The following GRK4 variants were observed in gnomAD, a reference collection of about 807,000 sequenced individuals.
GRK4 encodes G protein-coupled receptor kinase 2-like.
GRK4 carries 73 observed loss-of-function variants against 77.9 expected under a neutral mutation model. That is an observed-to-expected ratio of 0.94 (90% CI 0.78 to 1.14). GRK4 has a LOEUF of 1.14. Ranked by LOEUF, GRK4 falls within the 50% of genes most tolerant of loss-of-function variation. The pLI is 0.00. For missense variants in GRK4, 729 were observed against 700.2 expected (o/e 1.04, Z -0.46); for synonymous variants, 257 against 254.4 (o/e 1.01, Z -0.10).
rs1223148476 is a variant in GRK4 at position 3,037,236 on chromosome 4, G to A, written c.1408-138G>A. ...GATTTAGAAAATGCCTCAAGTGAGAGGGGCCTGGCAAAAGAATGGAGACAG... is the reference window on the plus strand; with the variant it reads ...GATTTAGAAAATGCCTCAAGTGAGAAGGGCCTGGCAAAAGAATGGAGACAG... On this transcript the variant is annotated intron_variant, in intron 13 of 15. Coordinates refer to ENST00000398052, the MANE Select transcript of GRK4 (RefSeq NM_182982.3). The A allele has an allele frequency of 8.3e-6, 7 of 840,242 alleles. No individual in the cohort carries two copies. The African/African-American group carries it at 1.2e-4, about 14-fold the overall frequency. 52.0% of individuals were successfully genotyped at this position (840,242 alleles called of 1,614,324 possible).
chr4:3,021,911 G>C (rs553723645), intron 9 of GRK4, among the ~76,000 whole-genome samples: 1 of 152,298 alleles, frequency 6.6e-6, no homozygotes, highest in Admixed American at 6.5e-5. Flanking sequence ...ATCCACCGCT[G>C]TGTCCACGGG....
intron 1 of GRK4, among the ~76,000 whole-genome samples, chr4:2,972,442 C>T (rs752907120): frequency 1.3e-5 from 2 of 152,150 alleles, no homozygotes; most frequent in Non-Finnish European, 2.9e-5. Flanking sequence ...TGTGCTGTGC[C>T]AGTGGAGACT....
intron 10 of GRK4, among the ~76,000 whole-genome samples, chr4:3,024,066 G>C (rs1180083250): frequency 6.6e-6 from 1 of 152,120 alleles, no homozygotes; most frequent in Non-Finnish European, 1.5e-5. Context: ...GAGCTGAGCT[G>C]TCTTTCCCCA....
chr4:2,990,411 C>T (rs894711482), intron 3 of GRK4, among the ~76,000 whole-genome samples: 1 of 152,036 alleles, frequency 6.6e-6, no homozygotes, highest in Non-Finnish European at 1.5e-5. Flanking sequence ...CATGTGCCAC[C>T]ACACCCAACT....
At chr4:3,032,372 G>A (rs1277608626) in intron 12 of GRK4, among the ~76,000 whole-genome samples, 1 of 151,824 alleles carries the variant, frequency 6.6e-6, no homozygotes, top group Non-Finnish European at 1.5e-5. Flanking sequence ...CAGGTACTCG[G>A]AAGGCTGTGC....
chr4:2,977,504 G>A (rs1055435842), intron 1 of GRK4, among the ~76,000 whole-genome samples: 5 of 152,200 alleles, frequency 3.3e-5, no homozygotes, highest in South Asian at 2.1e-4. Context: ...ACTTGCTGCT[G>A]TAACAGGTAA....
At chr4:3,026,189 G>A (rs1578343816) in intron 10 of GRK4, among the ~76,000 whole-genome samples, 1 of 152,126 alleles carries the variant, frequency 6.6e-6, no homozygotes, top group South Asian at 2.1e-4. Flanking sequence ...GCCAGATTCC[G>A]CTCCAGGGTG....
At chr4:2,987,678 C>T (rs368276711) in intron 2 of GRK4, among the ~76,000 whole-genome samples, 60 of 152,100 alleles carry the variant, frequency 3.9e-4, no homozygotes, top group African/African-American at 1.4e-3. Context: ...CAGTGGCTCA[C>T]GGCTGTAATC....
chr4:2,970,697 T>G (rs1719280182), intron 1 of GRK4, among the ~76,000 whole-genome samples: 2 of 151,078 alleles, frequency 1.3e-5, no homozygotes, highest in Non-Finnish European at 3.0e-5. Context: ...GGGGGGTCAG[T>G]CTCGCTCTGT....
At chr4:3,034,150 G>C (rs1739937599) in intron 12 of GRK4, among the ~76,000 whole-genome samples, 1 of 152,182 alleles carries the variant, frequency 6.6e-6, no homozygotes, top group Non-Finnish European at 1.5e-5. Context: ...GCCTAATCTA[G>C]TGCAGGTATG....
At chr4:3,033,748 G>A (rs1351988980) in intron 12 of GRK4, among the ~76,000 whole-genome samples, 1 of 152,002 alleles carries the variant, frequency 6.6e-6, no homozygotes, top group Admixed American at 6.6e-5. Context: ...CACCACGTCC[G>A]GCTAATTTTT....
chr4:3,032,325 A>AAC (rs1739399598), intron 12 of GRK4, among the ~76,000 whole-genome samples: 1 of 151,578 alleles, frequency 6.6e-6, no homozygotes, highest in Non-Finnish European at 1.5e-5. Flanking sequence ...TACTAAAAAA[A>AAC]AAATTAGCCA....
chr4:2,988,075 C>CAA (rs67664476), intron 2 of GRK4, among the ~76,000 whole-genome samples: 796 of 33,372 alleles, frequency 0.024, 65 homozygotes, highest in African/African-American at 0.071. Flanking sequence ...GGCTCTGTCT[C>CAA]AAAAAAAAAA....
At chr4:2,983,782 A>G (rs753933455) in intron 1 of GRK4, among the ~76,000 whole-genome samples, 1 of 152,156 alleles carries the variant, frequency 6.6e-6, no homozygotes, top group South Asian at 2.1e-4. Context: ...TGGGTAATTT[A>G]TAAATAAAAG....
At chr4:3,006,743 A>C (rs1731440773) in intron 5 of GRK4, among the ~76,000 whole-genome samples, 1 of 152,108 alleles carries the variant, frequency 6.6e-6, no homozygotes, top group African/African-American at 2.4e-5. Context: ...ACTACCCTCC[A>C]GCCTGGGTGA....
intron 9 of GRK4, 57 bp downstream of exon 9, chr4:3,019,888 C>G (rs1268965839): frequency 2.7e-6 from 4 of 1,496,810 alleles, no homozygotes; most frequent in Admixed American, 2.0e-5. Context: ...TTCTCCCAGC[C>G]CTAGGCTTCC....
chr4:2,999,335 T>C (rs760692766), intron 4 of GRK4, among the ~76,000 whole-genome samples: 1 of 152,122 alleles, frequency 6.6e-6, no homozygotes, highest in African/African-American at 2.4e-5. Flanking sequence ...AGTCCTGAGA[T>C]TGCAGCATGA....
intron 4 of GRK4, among the ~76,000 whole-genome samples, chr4:2,995,047 TC>T (rs1303504061): frequency 6.6e-6 from 1 of 152,186 alleles, no homozygotes; most frequent in East Asian, 1.9e-4. Context: ...GGTTTTCTGT[TC>T]CTGTGTTAGT....
Position 3,040,704 on chromosome 4 carries a change from TAATA to T in GRK4, c.*84_*87del. 8.6e-7 allele frequency: 1 copy of T among 1,159,278 alleles called. No individual in the cohort carries two copies. Among genetic ancestry groups the T allele is most frequent in the South Asian group, 1.3e-5 (1 of 76,670 alleles). 71.8% of individuals were successfully genotyped at this position (1,159,278 alleles called of 1,614,324 possible). ...TAGCGTCTCGTCCCACCTGGAATTG[TAATA>T]AATACATCTAAATAAAACATGCCTT... On this transcript the variant is annotated 3_prime_UTR_variant, in exon 16 of 16. Coordinates refer to ENST00000398052, the MANE Select transcript of GRK4 (RefSeq NM_182982.3).
Sources: allele counts gnomAD v4.1 joint callset (sites outside exome capture counted in the v4.1 genomes callset), GRCh38; gene constraint gnomAD v4.1.1; transcripts MANE v1.5; gene names NCBI Gene and HGNC (gene_info 2026-07-23, HGNC 2026-07-21).